AOPEP: variants seen among roughly 807,000 people sequenced by gnomAD.
AOPEP encodes aminopeptidase O.
In AOPEP, 77 loss-of-function variants were observed where a neutral mutation model predicts 98.1. The ratio of observed to expected loss-of-function variants is 0.78; its 90% CI spans 0.65 to 0.95. AOPEP has a LOEUF of 0.95. AOPEP is among the 40% of genes least tolerant of loss of function. The probability of loss-of-function intolerance (pLI) is 0.00; values close to 1 mark genes in which losing one functional copy is unlikely to be tolerated. For synonymous variants in AOPEP, 346 were observed against 365.3 expected (o/e 0.95, Z 0.60); for missense variants, 1,024 against 1,024.7 (o/e 1.00, Z 0.01).
At chr9:95,101,624 G>A in the AOPEP span, 12 of 1,560,216 alleles carry the variant, frequency 7.7e-6, no homozygotes, top group Admixed American at 8.5e-5. Context: ...CTCCACAAAT[G>A]CGTGGCCACA....
chr9:94,733,514 T>G (rs774754869), intron 1 of AOPEP, among the ~76,000 whole-genome samples: 9 of 152,248 alleles, frequency 5.9e-5, no homozygotes, highest in South Asian at 2.1e-4. Context: ...GCAAGCACTT[T>G]AAACATACCC....
At chr9:95,079,522 G>A (rs2069481203) in intron 14 of AOPEP, among the ~76,000 whole-genome samples, 1 of 152,228 alleles carries the variant, frequency 6.6e-6, no homozygotes, top group South Asian at 2.1e-4. Flanking sequence ...AGAGTGCTTT[G>A]ATGCAGTAGA....
chr9:95,135,122 G>A, the AOPEP span, among the ~76,000 whole-genome samples: 4 of 152,142 alleles, frequency 2.6e-5, no homozygotes, highest in South Asian at 4.2e-4. Context: ...TGTGATATAC[G>A]GCATATCAAT....
intron 1 of AOPEP, among the ~76,000 whole-genome samples, chr9:94,739,144 A>C (rs1832484869): frequency 6.6e-6 from 1 of 152,126 alleles, no homozygotes; most frequent in East Asian, 1.9e-4. Flanking sequence ...CTCTGCTCTC[A>C]GAGCTGCCTC....
intron 9 of AOPEP, among the ~76,000 whole-genome samples, chr9:94,965,788 C>T (rs13296024): frequency 3.5e-4 from 49 of 140,116 alleles, no homozygotes; most frequent in South Asian, 1.2e-3. Context: ...CATCAGAGTC[C>T]TGTGTAGAGT....
intron 3 of AOPEP, among the ~76,000 whole-genome samples, chr9:94,774,783 TC>T (rs1841711757): frequency 6.6e-6 from 1 of 152,214 alleles, no homozygotes; most frequent in Non-Finnish European, 1.5e-5. Context: ...CATAATGTTT[TC>T]CAGAAAGGCT....
chr9:94,854,016 A>T (rs951630955), intron 5 of AOPEP, among the ~76,000 whole-genome samples: 1 of 152,206 alleles, frequency 6.6e-6, no homozygotes, highest in Admixed American at 6.5e-5. Context: ...GTTCAATGAA[A>T]ACCCACATCG....
chr9:94,961,225 T>G (rs1443318575), intron 9 of AOPEP, among the ~76,000 whole-genome samples: 1 of 152,202 alleles, frequency 6.6e-6, no homozygotes, highest in Non-Finnish European at 1.5e-5. Context: ...AATTCTTTCC[T>G]TATCTTTGAA....
At chr9:94,899,006 A>G (rs928372675) in intron 5 of AOPEP, among the ~76,000 whole-genome samples, 5 of 152,232 alleles carry the variant, frequency 3.3e-5, no homozygotes, top group African/African-American at 1.2e-4. Context: ...GCTCCTTGGT[A>G]TAATATCAAC....
In AOPEP at chr9:95,026,440, A is replaced by G. The variant is rs150727136; in HGVS notation, c.2115+20824A>G. 4.6e-5 allele frequency among the ~76,000 whole-genome samples: 7 copies of G among 152,336 alleles called. No homozygotes were observed. The East Asian group carries it at 1.2e-3, about 25-fold the overall frequency. Reference sequence around the variant, plus strand: ...TTTCTGGACATTTCATATCAGTGGAATCATATAATACATGGTCTTACGTGT... The same window carrying G: ...TTTCTGGACATTTCATATCAGTGGAGTCATATAATACATGGTCTTACGTGT... On this transcript the variant is annotated intron_variant, in intron 13 of 16. Transcript: ENST00000375315.
At chr9:94,975,261 A>G (rs1234232976) in intron 10 of AOPEP, among the ~76,000 whole-genome samples, 2 of 151,916 alleles carry the variant, frequency 1.3e-5, no homozygotes, top group Non-Finnish European at 2.9e-5. Context: ...ATAATAAGTA[A>G]TAATAATAAT....
intron 5 of AOPEP, among the ~76,000 whole-genome samples, chr9:94,917,888 C>A (rs1183760913): frequency 2.0e-5 from 3 of 152,160 alleles, no homozygotes; most frequent in Admixed American, 1.3e-4. Context: ...CTGCTTCCTT[C>A]ATCTCCATCT....
intron 10 of AOPEP, among the ~76,000 whole-genome samples, chr9:94,974,087 T>C (rs1232582632): frequency 1.3e-5 from 2 of 152,220 alleles, no homozygotes; most frequent in Non-Finnish European, 2.9e-5. Flanking sequence ...TTCCCTGAGC[T>C]ACCTGCATGC....
intron 11 of AOPEP, among the ~76,000 whole-genome samples, chr9:95,004,826 CCGTT>C (rs1191343954): frequency 1.4e-5 from 2 of 147,072 alleles, no homozygotes; most frequent in Non-Finnish European, 3.0e-5. Flanking sequence ...CGGGAGCACG[CCGTT>C]CGTGGGGAGA....
At chr9:95,006,749 C>T (rs951263248) in intron 13 of AOPEP, among the ~76,000 whole-genome samples, 4 of 152,010 alleles carry the variant, frequency 2.6e-5, no homozygotes, top group South Asian at 2.1e-4. Context: ...AGTTTTCTGA[C>T]CATACCTCAG....
chr9:95,140,906 C>A, the AOPEP span, among the ~76,000 whole-genome samples: 1 of 151,950 alleles, frequency 6.6e-6, no homozygotes, highest in Non-Finnish European at 1.5e-5. Context: ...ATGTGCAAAC[C>A]CAAACACACC....
chr9:95,112,795 G>C, the AOPEP span, among the ~76,000 whole-genome samples: 1 of 152,242 alleles, frequency 6.6e-6, no homozygotes, highest in Non-Finnish European at 1.5e-5. Flanking sequence ...GTGGCCACCT[G>C]AAAGGTATCT....
At chr9:95,135,260 TC>T in the AOPEP span, 39 of 1,311,048 alleles carry the variant, frequency 3.0e-5, no homozygotes, top group African/African-American at 1.7e-4. Flanking sequence ...TTTGTTTACA[TC>T]CCCCCCTTTC....
chr9:95,017,896 C>T (rs1472014837), intron 13 of AOPEP, among the ~76,000 whole-genome samples: 1 of 152,228 alleles, frequency 6.6e-6, no homozygotes, highest in African/African-American at 2.4e-5. Context: ...TCATACACTA[C>T]TCAGTCTTTT....
Sources: allele counts gnomAD v4.1 joint callset (sites outside exome capture counted in the v4.1 genomes callset), GRCh38; gene constraint gnomAD v4.1.1; transcripts MANE v1.5; gene names NCBI Gene and HGNC (gene_info 2026-07-23, HGNC 2026-07-21).